The following MRAP2 variants were observed in gnomAD, a reference collection of about 807,000 sequenced individuals.
MRAP2 encodes melanocortin 2 receptor accessory protein 2, also known as melanocortin-2 receptor accessory protein 2.
MRAP2 carries 20 observed loss-of-function variants against 17.4 expected under a neutral mutation model. The observed-to-expected ratio is 1.15, with a 90% CI of 0.81 to 1.67. The LOEUF (loss-of-function observed/expected upper bound fraction) is 1.67, where lower values mean the gene tolerates loss of function less well. Ranked by LOEUF, MRAP2 falls within the 40% of genes most tolerant of loss-of-function variation. The pLI, the probability that MRAP2 is intolerant of heterozygous loss-of-function variation, is 0.00. For synonymous variants in MRAP2, 96 were observed against 88.4 expected (o/e 1.09, Z -0.48); for missense variants, 238 against 240.0 (o/e 0.99, Z 0.05).
chr6:84,059,016 A>G (rs1472310635), intron 2 of MRAP2, among the ~76,000 whole-genome samples: 1 of 152,196 alleles, frequency 6.6e-6, no homozygotes, highest in East Asian at 1.9e-4. Context: ...GTGTCTCACT[A>G]TAAAGGGAAG....
In MRAP2 at chr6:84,089,650, G is replaced by T; in HGVS notation, c.*169G>T. 1.3e-6 allele frequency: 1 copy of T among 761,430 alleles called. No individual in the cohort carries two copies. The allele number at this position is 761,430 out of a possible 1,614,324, so 47.2% of individuals were successfully genotyped here. ...AGAAGAGAGCTGAGCTGATTAAGCT[G>T]AGTGGTTTTTTGTTTTGTTTTGTTT... On this transcript the variant is annotated 3_prime_UTR_variant, in exon 4 of 4. Coordinates refer to ENST00000257776, the MANE Select transcript of MRAP2 (RefSeq NM_138409.4).
chr6:84,058,151 C>T (rs2099492166), intron 2 of MRAP2, among the ~76,000 whole-genome samples: 1 of 152,140 alleles, frequency 6.6e-6, no homozygotes, highest in Non-Finnish European at 1.5e-5. Context: ...AGAGGAGTGC[C>T]ATCTGGCTTA....
At chr6:84,116,077 A>C in the MRAP2 span, among the ~76,000 whole-genome samples, 1 of 152,194 alleles carries the variant, frequency 6.6e-6, no homozygotes, top group East Asian at 1.9e-4. Context: ...GCAAACAAAA[A>C]AGAGTTTGAC....
intron 1 of MRAP2, among the ~76,000 whole-genome samples, chr6:84,046,756 G>A (rs920616119): frequency 1.4e-5 from 2 of 145,076 alleles, no homozygotes; most frequent in East Asian, 2.0e-4. Flanking sequence ...ACTCCAGCCT[G>A]GGCAACAGAG....
chr6:84,041,322 T>G (rs985989186), intron 1 of MRAP2, among the ~76,000 whole-genome samples: 1 of 152,198 alleles, frequency 6.6e-6, no homozygotes, highest in Non-Finnish European at 1.5e-5. Flanking sequence ...GCCAGAAGTG[T>G]GCTGCAGGGA....
chr6:84,062,148 C>T (rs1588638823), intron 2 of MRAP2: 1 of 965,392 alleles, frequency 1.0e-6, no homozygotes, highest in Non-Finnish European at 1.2e-6. Flanking sequence ...AGAAGGCCTC[C>T]ATTATTTGCA....
chr6:84,113,017 A>G, the MRAP2 span, among the ~76,000 whole-genome samples: 1 of 152,254 alleles, frequency 6.6e-6, no homozygotes, highest in East Asian at 1.9e-4. Context: ...ACTTCCAATT[A>G]TGTGGTCAAT....
chr6:84,082,808 C>T (rs890350817), intron 3 of MRAP2, among the ~76,000 whole-genome samples: 1 of 152,072 alleles, frequency 6.6e-6, no homozygotes, highest in Non-Finnish European at 1.5e-5. Context: ...CCCACTCCCC[C>T]ACCCCTTTCT....
intron 2 of MRAP2, among the ~76,000 whole-genome samples, chr6:84,060,761 C>T (rs1397293579): frequency 2.0e-5 from 3 of 151,586 alleles, no homozygotes; most frequent in Admixed American, 6.6e-5. Context: ...TCTTGGCTCA[C>T]TGCAAGCTCC....
chr6:84,037,838 G>A (rs573480047), intron 1 of MRAP2, among the ~76,000 whole-genome samples: 25 of 152,008 alleles, frequency 1.6e-4, no homozygotes, highest in South Asian at 8.3e-4. Flanking sequence ...ACACCTCCCC[G>A]CAAGCAGAGG....
Position 84,063,022 on chromosome 6 carries a change from T to C in MRAP2, c.227+30T>C, listed in dbSNP as rs760650857. The C allele has an allele frequency of 2.5e-6, 4 of 1,613,846 alleles. No homozygotes were observed. The South Asian group carries it at 4.4e-5, about 18-fold the overall frequency. ...GTTTGGGCTGTTCCTAAATGTCTCT[T>C]AAGCCTCACAGGAGACTGAGGAAAT... is the stretch of plus-strand genomic sequence containing the variant. On this transcript the variant is annotated intron_variant, in intron 3 of 3. Coordinates refer to ENST00000257776, the MANE Select transcript of MRAP2 (RefSeq NM_138409.4).
chr6:84,076,063 A>T (rs867353574), intron 3 of MRAP2, among the ~76,000 whole-genome samples: 122 of 146,476 alleles, frequency 8.3e-4, no homozygotes, highest in Middle Eastern at 3.5e-3. Context: ...TTCAGGAGTT[A>T]TTTTTTTTTT....
At chr6:84,143,716 G>A in the MRAP2 span, among the ~76,000 whole-genome samples, 3 of 151,956 alleles carry the variant, frequency 2.0e-5, no homozygotes, top group Non-Finnish European at 4.4e-5. Context: ...TTTTAAAAAT[G>A]AGCCTTAATG....
the MRAP2 span, among the ~76,000 whole-genome samples, chr6:84,140,449 G>A: frequency 2.0e-5 from 3 of 152,234 alleles, no homozygotes; most frequent in East Asian, 1.9e-4. Context: ...TTTGGATATC[G>A]AGGGAGATTT....
At chr6:84,079,213 A>C (rs575214747) in intron 3 of MRAP2, among the ~76,000 whole-genome samples, 2 of 152,236 alleles carry the variant, frequency 1.3e-5, no homozygotes, top group Non-Finnish European at 2.9e-5. Flanking sequence ...TACAATGGGC[A>C]TTAGTAAGAA....
intron 1 of MRAP2, among the ~76,000 whole-genome samples, chr6:84,036,662 A>G (rs2099486085): frequency 6.6e-6 from 1 of 152,140 alleles, no homozygotes; most frequent in Admixed American, 6.5e-5. Flanking sequence ...ACAGTGTGGA[A>G]GGGGACCTGA....
chr6:84,103,819 T>A, the MRAP2 span, among the ~76,000 whole-genome samples: 1 of 152,158 alleles, frequency 6.6e-6, no homozygotes, highest in Non-Finnish European at 1.5e-5. Context: ...AAGTGCAGGG[T>A]ACGCTTTACT....
At chr6:84,054,868 A>G (rs867812369) in intron 1 of MRAP2, among the ~76,000 whole-genome samples, 3 of 152,202 alleles carry the variant, frequency 2.0e-5, no homozygotes, top group East Asian at 1.9e-4. Context: ...ACATAAATCA[A>G]TGTCAATCTG....
At chr6:84,071,112 G>C (rs933777349) in intron 3 of MRAP2, among the ~76,000 whole-genome samples, 6 of 152,216 alleles carry the variant, frequency 3.9e-5, no homozygotes, top group African/African-American at 1.2e-4. Flanking sequence ...GGTGCTCTTT[G>C]CTGCCTGTGT....
Sources: allele counts gnomAD v4.1 joint callset (sites outside exome capture counted in the v4.1 genomes callset), GRCh38; gene constraint gnomAD v4.1.1; transcripts MANE v1.5; gene names NCBI Gene and HGNC (gene_info 2026-07-23, HGNC 2026-07-21).